The following SLC35F3 variants were observed in gnomAD, a reference collection of about 807,000 sequenced individuals.
SLC35F3 encodes solute carrier family 35 member F3, also known as putative thiamine transporter SLC35F3.
SLC35F3 carries 25 observed loss-of-function variants against 49.9 expected under a neutral mutation model. The observed-to-expected ratio is 0.50, with a 90% CI of 0.37 to 0.70. SLC35F3 has a LOEUF of 0.70. Ranked by LOEUF, SLC35F3 falls within the 30% of genes least tolerant of loss-of-function variation. The probability of loss-of-function intolerance (pLI) is 0.00; values close to 1 mark genes in which losing one functional copy is unlikely to be tolerated. For synonymous variants in SLC35F3, 275 were observed against 265.4 expected, an observed-to-expected ratio of 1.04 and a Z score of -0.35; for missense variants, 525 against 639.8, an observed-to-expected ratio of 0.82 and a Z score of 1.94.
At chr1:234,079,008 G>A (rs1281667785) in intron 2 of SLC35F3, among the ~76,000 whole-genome samples, 3 of 152,198 alleles carry the variant, frequency 2.0e-5, no homozygotes, top group Non-Finnish European at 4.4e-5. Flanking sequence ...AAGGGACACT[G>A]AAAAGCCTAA....
In SLC35F3 at chr1:234,119,285, C is replaced by T. The variant is rs531330588; in HGVS notation, c.284-112132C>T. 4.1e-3 allele frequency among the ~76,000 whole-genome samples: 612 copies of T among 149,848 alleles called. 7 individuals are homozygous for T. Among genetic ancestry groups the T allele is most frequent in the African/African-American group, 0.014 (575 of 40,824 alleles). ...TCTTTTCCACAGCCTTATAGGGCCT[C>T]TCAATTCATGGTGATTTTTTTTTTT... On this transcript the variant is annotated intron_variant, in intron 2 of 7. Transcript: ENST00000366618.
At chr1:233,958,801 T>C (rs532779940) in intron 2 of SLC35F3, among the ~76,000 whole-genome samples, 1 of 152,306 alleles carries the variant, frequency 6.6e-6, no homozygotes, top group Non-Finnish European at 1.5e-5. Flanking sequence ...TTACATAATA[T>C]GAAATAAGAA....
chr1:234,041,459 C>T (rs535215331), intron 2 of SLC35F3, among the ~76,000 whole-genome samples: 1 of 152,058 alleles, frequency 6.6e-6, no homozygotes, highest in African/African-American at 2.4e-5. Context: ...GTCACATGCA[C>T]CCAATCTAAC....
chr1:234,121,572 T>A (rs1665574276), intron 2 of SLC35F3, among the ~76,000 whole-genome samples: 1 of 152,216 alleles, frequency 6.6e-6, no homozygotes, highest in Non-Finnish European at 1.5e-5. Flanking sequence ...TCTTTTTTTC[T>A]TTTTATTATA....
At chr1:234,245,027 A>G (rs1393129869) in intron 3 of SLC35F3, among the ~76,000 whole-genome samples, 1 of 152,172 alleles carries the variant, frequency 6.6e-6, no homozygotes, top group African/African-American at 2.4e-5. Flanking sequence ...TTTGCTAAGC[A>G]TCGTCACCCT....
intron 2 of SLC35F3, among the ~76,000 whole-genome samples, chr1:234,151,989 C>T (rs1481963566): frequency 4.0e-5 from 6 of 150,316 alleles, no homozygotes; most frequent in Non-Finnish European, 7.4e-5. Flanking sequence ...CCTTCTCTCC[C>T]TTTTTTTTTA....
At chr1:234,207,526 A>T (rs950561603) in intron 2 of SLC35F3, among the ~76,000 whole-genome samples, 1 of 37,896 alleles carries the variant, frequency 2.6e-5, no homozygotes, top group African/African-American at 9.8e-5. Flanking sequence ...CTTTGTAGGC[A>T]GTGACAATTG....
intron 2 of SLC35F3, among the ~76,000 whole-genome samples, chr1:233,955,769 T>TG (rs1558188674): frequency 6.6e-6 from 1 of 151,248 alleles, no homozygotes; most frequent in East Asian, 1.9e-4. Context: ...CGAACTGTTT[T>TG]TTTTTTTTTT....
chr1:234,190,327 A>G (rs1666712287), intron 2 of SLC35F3, among the ~76,000 whole-genome samples: 1 of 152,226 alleles, frequency 6.6e-6, no homozygotes, highest in Admixed American at 6.5e-5. Flanking sequence ...TAAGAGACTC[A>G]CCTAACACAT....
At chr1:234,104,770 A>T (rs534453317) in intron 2 of SLC35F3, among the ~76,000 whole-genome samples, 204 of 152,348 alleles carry the variant, frequency 1.3e-3, no homozygotes, top group Middle Eastern at 3.4e-3. Context: ...ATTTAATTTT[A>T]TGAGAGTGAT....
At chr1:234,069,093 A>ATG (rs1664672505) in intron 2 of SLC35F3, among the ~76,000 whole-genome samples, 1 of 125,570 alleles carries the variant, frequency 8.0e-6, no homozygotes, top group African/African-American at 3.1e-5. Flanking sequence ...TATATTATAT[A>ATG]TTATATTATA....
At chr1:234,307,468 T>C (rs1657226811) in intron 3 of SLC35F3, among the ~76,000 whole-genome samples, 1 of 152,196 alleles carries the variant, frequency 6.6e-6, no homozygotes, top group Admixed American at 6.5e-5. Flanking sequence ...AGTTGAGTCA[T>C]GAACAAAGAC....
intron 2 of SLC35F3, among the ~76,000 whole-genome samples, chr1:234,018,466 T>C (rs894099168): frequency 6.6e-6 from 1 of 152,152 alleles, no homozygotes; most frequent in Admixed American, 6.5e-5. Flanking sequence ...CTTCTATATG[T>C]TCTCCTGCTT....
chr1:234,286,736 A>G (rs1441860693), intron 3 of SLC35F3, among the ~76,000 whole-genome samples: 4 of 152,246 alleles, frequency 2.6e-5, no homozygotes, highest in African/African-American at 9.6e-5. Flanking sequence ...TAAGAAGTAG[A>G]ATTAGGAACA....
At chr1:234,218,147 T>C (rs572493669) in intron 2 of SLC35F3, among the ~76,000 whole-genome samples, 2 of 152,348 alleles carry the variant, frequency 1.3e-5, no homozygotes, top group South Asian at 4.1e-4. Flanking sequence ...TTGGCTTTCC[T>C]TTCAGAAGCA....
chr1:234,184,422 C>T (rs147595452), intron 2 of SLC35F3, among the ~76,000 whole-genome samples: 69 of 152,338 alleles, frequency 4.5e-4, no homozygotes, highest in African/African-American at 1.5e-3. Flanking sequence ...AGCCTACACA[C>T]TGTGAGACCT....
intron 2 of SLC35F3, among the ~76,000 whole-genome samples, chr1:233,927,520 A>G (rs1395053773): frequency 2.0e-5 from 3 of 152,174 alleles, no homozygotes; most frequent in Admixed American, 1.3e-4. Flanking sequence ...ATTTCCGTCC[A>G]TTTTACTAAG....
chr1:234,132,598 T>G (rs1245868011), intron 2 of SLC35F3, among the ~76,000 whole-genome samples: 1 of 152,256 alleles, frequency 6.6e-6, no homozygotes, highest in Non-Finnish European at 1.5e-5. Flanking sequence ...TTTAAATATG[T>G]AAGTTTATAT....
chr1:233,932,333 G>A (rs1457936605), intron 2 of SLC35F3, among the ~76,000 whole-genome samples: 1 of 152,040 alleles, frequency 6.6e-6, no homozygotes, highest in African/African-American at 2.4e-5. Flanking sequence ...CTCAGGGGTG[G>A]CAGAGGCATA....
Sources: gnomAD v4.1 joint callset for allele counts (sites outside exome capture counted in the v4.1 genomes callset) on GRCh38, gnomAD v4.1.1 for gene constraint, MANE v1.5 for transcripts, NCBI Gene and HGNC (gene_info 2026-07-23, HGNC 2026-07-21) for gene names.